GALNTL6: variants seen among roughly 807,000 people sequenced by gnomAD.
The protein encoded by GALNTL6 is polypeptide N-acetylgalactosaminyltransferase-like 6.
In GALNTL6, 46 loss-of-function variants were observed where a neutral mutation model predicts 73.7. The ratio of observed to expected loss-of-function variants is 0.62; its 90% CI spans 0.49 to 0.80. GALNTL6 has a LOEUF of 0.80. Ranked by LOEUF, GALNTL6 falls within the 30% of genes least tolerant of loss-of-function variation. The pLI, the probability that GALNTL6 is intolerant of heterozygous loss-of-function variation, is 0.00. For missense variants in GALNTL6, 604 were observed against 755.0 expected (o/e 0.80, Z 2.34); for synonymous variants, 259 against 263.7 (o/e 0.98, Z 0.17).
At chr4:172,531,658 C>T (rs1026711462) in intron 5 of GALNTL6, among the ~76,000 whole-genome samples, 4 of 152,190 alleles carry the variant, frequency 2.6e-5, no homozygotes, top group African/African-American at 9.7e-5. Context: ...CCTGCCAAGT[C>T]GACCACAAAA....
chr4:172,268,344 G>A (rs958462596), intron 3 of GALNTL6, among the ~76,000 whole-genome samples: 6 of 152,138 alleles, frequency 3.9e-5, no homozygotes, highest in Non-Finnish European at 7.4e-5. Flanking sequence ...AAACAGGATT[G>A]GGAAGAGCAG....
At chr4:172,207,098 G>A (rs897925912) in intron 2 of GALNTL6, among the ~76,000 whole-genome samples, 3 of 151,706 alleles carry the variant, frequency 2.0e-5, no homozygotes, top group African/African-American at 4.8e-5. Flanking sequence ...ATTACAGGCC[G>A]CCGTGCCTGG....
Position 172,472,872 on chromosome 4 carries a change from T to C in GALNTL6, c.553+124183T>C, listed in dbSNP as rs921767869. On this transcript the variant is annotated intron_variant, in intron 5 of 12. Coordinates refer to ENST00000506823, the MANE Select transcript of GALNTL6 (RefSeq NM_001034845.3). ...GTAGAACTGTAAAAGAATAAGTTTTTTGTTGCTTTAAGCCCCCCATTTTAT... is the reference window on the plus strand; with the variant it reads ...GTAGAACTGTAAAAGAATAAGTTTTCTGTTGCTTTAAGCCCCCCATTTTAT... Among the ~76,000 whole-genome samples the C allele has an allele frequency of 7.2e-5, 11 of 152,146 alleles. No individual in the cohort carries two copies. In the South Asian group the frequency reaches 1.0e-3, roughly 14 times the overall value.
At chr4:172,265,890 GA>G (rs995241361) in intron 3 of GALNTL6, among the ~76,000 whole-genome samples, 7 of 150,658 alleles carry the variant, frequency 4.6e-5, no homozygotes, top group South Asian at 2.1e-4. Flanking sequence ...CTCAAAACTG[GA>G]AAAAAAAAGT....
chr4:172,384,661 C>T (rs1414867439), intron 5 of GALNTL6, among the ~76,000 whole-genome samples: 1 of 151,440 alleles, frequency 6.6e-6, no homozygotes, highest in Non-Finnish European at 1.5e-5. Flanking sequence ...TTTTACTTTT[C>T]CTAATTTCTT....
chr4:172,632,484 C>T (rs1396658900), intron 5 of GALNTL6, among the ~76,000 whole-genome samples: 1 of 151,912 alleles, frequency 6.6e-6, no homozygotes, highest in African/African-American at 2.4e-5. Flanking sequence ...GATATTTTGC[C>T]TCTGCCCTAG....
chr4:172,420,457 G>A (rs939545861), intron 5 of GALNTL6, among the ~76,000 whole-genome samples: 2 of 152,170 alleles, frequency 1.3e-5, no homozygotes, highest in African/African-American at 4.8e-5. Flanking sequence ...AAAGGGGAAT[G>A]TGTTTTTTAA....
At chr4:172,797,097 A>G (rs932379613) in intron 5 of GALNTL6, among the ~76,000 whole-genome samples, 13 of 152,172 alleles carry the variant, frequency 8.5e-5, no homozygotes, top group Non-Finnish European at 1.5e-5. Context: ...AAAAAAACTG[A>G]AGAAAAATAA....
intron 2 of GALNTL6, among the ~76,000 whole-genome samples, chr4:171,966,473 A>G (rs1032058333): frequency 2.0e-5 from 3 of 152,182 alleles, no homozygotes; most frequent in Non-Finnish European, 2.9e-5. Flanking sequence ...TAGGGATGTC[A>G]TATTTGCCTG....
At position 172,714,970 on chromosome 4, in the gene GALNTL6, C is replaced by G. The variant is rs143298899; in HGVS notation, c.554-94391C>G. ...CTCCATAATATTTCTTTTTCCACCA[C>G]TGCTAAACCTGACATTTACTTCAAA... On this transcript the variant is annotated intron_variant, in intron 5 of 12. Transcript: ENST00000506823. Among the ~76,000 whole-genome samples the G allele has an allele frequency of 1.9e-3, 262 of 138,008 alleles. 1 individual carries two copies. The highest frequency in any genetic ancestry group is 6.9e-3 in the African/African-American group (255 of 36,834). The allele number at this position is 138,008 out of a possible 152,430, so 90.5% of individuals were successfully genotyped here.
chr4:172,084,648 G>T (rs184795120), intron 2 of GALNTL6, among the ~76,000 whole-genome samples: 1 of 152,140 alleles, frequency 6.6e-6, no homozygotes, highest in Admixed American at 6.5e-5. Context: ...ATGCAGTTTA[G>T]CCCAAGATGT....
At chr4:171,965,605 G>A (rs1465826362) in intron 2 of GALNTL6, among the ~76,000 whole-genome samples, 3 of 133,400 alleles carry the variant, frequency 2.2e-5, no homozygotes, top group East Asian at 2.4e-4. Context: ...GCAGTGAGCC[G>A]AGATCGCACC....
chr4:172,043,843 T>G (rs1007792722), intron 2 of GALNTL6, among the ~76,000 whole-genome samples: 2 of 152,090 alleles, frequency 1.3e-5, no homozygotes, highest in Non-Finnish European at 2.9e-5. Flanking sequence ...AGGCCCTTAT[T>G]TCATTTTCTG....
At chr4:172,236,981 C>T (rs1737265495) in intron 3 of GALNTL6, among the ~76,000 whole-genome samples, 1 of 152,144 alleles carries the variant, frequency 6.6e-6, no homozygotes, top group African/African-American at 2.4e-5. Flanking sequence ...GTTTCCTGTT[C>T]CTGCTTTAGT....
At chr4:172,282,117 C>G (rs1362871844) in intron 3 of GALNTL6, among the ~76,000 whole-genome samples, 1 of 152,078 alleles carries the variant, frequency 6.6e-6, no homozygotes, top group Non-Finnish European at 1.5e-5. Context: ...ATACATCATA[C>G]TAACTAAATA....
chr4:171,913,998 T>C (rs1448820388), intron 2 of GALNTL6, among the ~76,000 whole-genome samples: 3 of 152,048 alleles, frequency 2.0e-5, no homozygotes, highest in Admixed American at 2.0e-4. Context: ...ACTGGAGTTA[T>C]TAACATGGTT....
chr4:172,156,541 A>ATATATATATATATATATAGTG (rs1734276573), intron 2 of GALNTL6, among the ~76,000 whole-genome samples: 2 of 7,410 alleles, frequency 2.7e-4, no homozygotes, highest in African/African-American at 5.1e-4. Context: ...TATATATATA[A>ATATATATATATATATATAGTG]TATATATATA....
At chr4:171,852,520 ATATATATATATATAGCTTTCTT>A (rs1291847168) in intron 2 of GALNTL6, among the ~76,000 whole-genome samples, 6 of 150,200 alleles carry the variant, frequency 4.0e-5, no homozygotes, top group Non-Finnish European at 8.9e-5. Flanking sequence ...AGCTTTCTTT[ATATATATATATATAGCTTTCTT>A]TATATAGCTT....
intron 5 of GALNTL6, among the ~76,000 whole-genome samples, chr4:172,805,044 G>A (rs535879312): frequency 1.3e-5 from 2 of 152,254 alleles, no homozygotes; most frequent in South Asian, 4.1e-4. Flanking sequence ...AAAATATCAC[G>A]AGGGAAATTA....
Sources: allele counts gnomAD v4.1 joint callset (sites outside exome capture counted in the v4.1 genomes callset), GRCh38; gene constraint gnomAD v4.1.1; transcripts MANE v1.5; gene names NCBI Gene and HGNC (gene_info 2026-07-23, HGNC 2026-07-21).